Variants in SPTBN5 observed in about 807,000 individuals in gnomAD.
The protein encoded by SPTBN5 is spectrin beta chain, non-erythrocytic 5.
A neutral mutation model predicts 477.6 loss-of-function variants in SPTBN5; 513 were observed. The observed-to-expected ratio is 1.07, with a 90% CI of 1.00 to 1.16. The LOEUF (loss-of-function observed/expected upper bound fraction) is 1.16, where lower values mean the gene tolerates loss of function less well. SPTBN5 is among the 50% of genes most tolerant of loss of function. The probability of loss-of-function intolerance (pLI) is 0.00; values close to 1 mark genes in which losing one functional copy is unlikely to be tolerated. For missense variants in SPTBN5, 5,062 were observed against 4,731.8 expected (o/e 1.07, Z -2.05); for synonymous variants, 2,169 against 2,011.7 (o/e 1.08, Z -2.09).
In SPTBN5 at chr15:41,866,438, C is replaced by G. The variant is rs773128119; in HGVS notation, c.6536G>C (p.Gly2179Ala). Residue 2179 changes from glycine (G) to alanine (A), a missense_variant, in exon 37 of 68, where the codon GGG becomes GCG. Coordinates refer to ENST00000320955, the MANE Select transcript of SPTBN5 (RefSeq NM_016642.4). ...GGGCTTCAGCTTATCTCTCAGGTCCCCAGGAGGGACCGGCTCCTTCAGCTG... is the reference window on the plus strand; with the variant it reads ...GGGCTTCAGCTTATCTCTCAGGTCCGCAGGAGGGACCGGCTCCTTCAGCTG... ...AQQLKEPVPP[G>A]DLRDKLKPLL... 1.9e-5 allele frequency: 31 copies of G among 1,604,958 alleles called. No individual in the cohort carries two copies. The highest frequency in any genetic ancestry group is 4.5e-5 in the South Asian group (4 of 89,640).
Position 41,893,967 on chromosome 15 carries a change from G to GT in SPTBN5, c.-119dup. On this transcript the variant is annotated 5_prime_UTR_variant, in exon 1 of 68. It removes the in-frame stop codon of an upstream open reading frame in the 5' UTR. Coordinates refer to ENST00000320955, the MANE Select transcript of SPTBN5 (RefSeq NM_016642.4). ...ATGGAGATGGCAGATAGCAGGGGCT[G>GT]TGGAGGGAGGGAGAGGGACATCAGG... The GT allele has an allele frequency of 5.0e-6, 1 of 200,786 alleles. No homozygotes were observed. Among genetic ancestry groups the GT allele is most frequent in the Non-Finnish European group, 1.0e-5 (1 of 96,746 alleles). The allele number at this position is 200,786 out of a possible 1,614,324, so 12.4% of individuals were successfully genotyped here.
intron 67 of SPTBN5, among the ~76,000 whole-genome samples, chr15:41,848,988 C>CA (rs2065651778): frequency 6.6e-6 from 1 of 152,208 alleles, no homozygotes; most frequent in Non-Finnish European, 1.5e-5. Flanking sequence ...TTGGGCTCTG[C>CA]AGGACTGGGA....
Position 41,853,784 on chromosome 15 carries a change from C to G in SPTBN5, c.9778G>C (p.Glu3260Gln), listed in dbSNP as rs769376296. ...LQQQHRRLER[E>Q]LEAMEKEVAR... is the part of the protein sequence containing the mutation. ...ACCTCCTTCTCCATAGCTTCCAGCT[C>G]TCTCTGCAACCAGAGCATGAGATCA... Residue 3260 changes from glutamate (E) to glutamine (Q), a missense_variant, in exon 58 of 68, where the codon GAG (glutamate) becomes CAG (glutamine). Transcript: ENST00000320955. 8 of 1,560,584 alleles carry G rather than the reference C, an allele frequency of 5.1e-6. No individual in the cohort carries two copies. Among genetic ancestry groups the G allele is most frequent in the South Asian group, 2.4e-5 (2 of 84,986 alleles).
chr15:41,863,547 G>C (rs183298761), intron 41 of SPTBN5, among the ~76,000 whole-genome samples, 157 bp downstream of exon 41: 1 of 152,276 alleles, frequency 6.6e-6, no homozygotes, highest in African/African-American at 2.4e-5. Context: ...CAGCCCATCA[G>C]ATGTCCCTGG....
In SPTBN5 at chr15:41,881,006, C is replaced by G. The variant is rs777116228; in HGVS notation, c.2658+28G>C. 5.2e-6 allele frequency: 8 copies of G among 1,544,448 alleles called. No homozygotes were observed. The African/African-American group carries it at 1.1e-4, about 21-fold the overall frequency. ...GAGCTGCTGGCACAGAGTAAGGACT[C>G]GAGCATTTCTTGAAAAAGAAGTGTT... On this transcript the variant is annotated intron_variant, in intron 13 of 67. Coordinates refer to ENST00000320955, the MANE Select transcript of SPTBN5 (RefSeq NM_016642.4).
chr15:41,882,215 C>G (rs190158350), intron 11 of SPTBN5, 54 bp downstream of exon 11: 5 of 1,430,568 alleles, frequency 3.5e-6, no homozygotes, highest in Admixed American at 2.6e-5. Context: ...CTGGCACCCC[C>G]ACCCCCGCCT....
At chr15:41,864,892 G>A (rs1595465049) in intron 39 of SPTBN5, among the ~76,000 whole-genome samples, 1 of 152,358 alleles carries the variant, frequency 6.6e-6, no homozygotes, top group East Asian at 1.9e-4. Flanking sequence ...CATTTGCAAG[G>A]TAGGCAGGGA....
At position 41,856,513 on chromosome 15, in the gene SPTBN5, A is replaced by G. The variant is rs751478441; in HGVS notation, c.8894T>C (p.Phe2965Ser). ...CCGGGCGGCCACCTCGTGGGCGGCAAAGTGCCCAGCCTGCACCAGCTTGTA... is the reference window on the plus strand; with the variant it reads ...CCGGGCGGCCACCTCGTGGGCGGCAGAGTGCCCAGCCTGCACCAGCTTGTA... ...TGYKLVQAGH[F>S]AAHEVAARVQ... Residue 2965 changes from phenylalanine (F) to serine (S), a missense_variant, in exon 53 of 68, where the codon TTT becomes TCT. Transcript: ENST00000320955. 6.2e-7 allele frequency: 1 copy of G among 1,601,204 alleles called. No homozygotes were observed. The highest frequency in any genetic ancestry group is 8.5e-7 in the Non-Finnish European group (1 of 1,175,444).
intron 4 of SPTBN5, among the ~76,000 whole-genome samples, chr15:41,888,333 C>T (rs1124850): frequency 0.4 from 60,763 of 152,228 alleles, 13,222 homozygotes; most frequent in East Asian, 0.7. Flanking sequence ...ACTGCAGAGG[C>T]GCTGGCTTTG....
At chr15:41,860,481 G>A in intron 47 of SPTBN5, 105 bp downstream of exon 47, 3 of 1,235,190 alleles carry the variant, frequency 2.4e-6, no homozygotes, top group Non-Finnish European at 3.1e-6. Flanking sequence ...GGACAAGGCT[G>A]GTGAGCCTGG....
rs749418732 is a variant in SPTBN5 at position 41,856,572 on chromosome 15, G to A, written c.8835C>T (p.His2945=). The A allele has an allele frequency of 3.6e-5, 57 of 1,594,358 alleles. No individual in the cohort carries two copies. Among genetic ancestry groups the A allele is most frequent in the South Asian group, 2.5e-4 (22 of 88,772 alleles). The stretch of plus-strand genomic sequence containing the variant: ...CCAGCACCACCCGGGTCAGAGCCTC[G>A]TGGCTGCTCATCTCACTCTCCAGGT... The part of the protein sequence containing the change: ...HQNLESEMSS[H]EALTRVVLGT... Residue 2945 remains histidine (H), a synonymous_variant, in exon 53 of 68, where the codon CAC becomes CAT. Transcript: ENST00000320955.
At position 41,872,304 on chromosome 15, in the gene SPTBN5, T is replaced by TGTGGCCGCCAACTCCTGCA; in HGVS notation, c.5144_5162dup (p.Arg1722AlafsTer19). The stretch of plus-strand genomic sequence containing the variant: ...GAGAGGGGTTATGGTGTCCTCACCG[T>TGTGGCCGCCAACTCCTGCA]GTGGCCGCCAACTCCTGCAGTGCCC... On this transcript the variant is annotated frameshift_variant, in exon 27 of 68. Coordinates refer to ENST00000320955, the MANE Select transcript of SPTBN5 (RefSeq NM_016642.4). LOFTEE classifies it high-confidence loss of function. 1 of 1,610,268 alleles carries TGTGGCCGCCAACTCCTGCA rather than the reference T, an allele frequency of 6.2e-7. No individual in the cohort carries two copies. The highest frequency in any genetic ancestry group is 8.5e-7 in the Non-Finnish European group (1 of 1,179,366).
Position 41,873,984 on chromosome 15 carries a change from C to T in SPTBN5, c.4751G>A (p.Arg1584Gln), listed in dbSNP as rs578044066. 3.1e-5 allele frequency: 49 copies of T among 1,605,774 alleles called. No homozygotes were observed. Among genetic ancestry groups the T allele is most frequent in the Middle Eastern group, 1.7e-4 (1 of 6,040 alleles). ...GQVQRVLSSG[R>Q]SLAASGHPQA... is the part of the protein sequence containing the mutation. ...GGGGTGCCCTGAGGCTGCCAGGCTC[C>T]GCCCAGAACTCAGCACCCGTTGCAC... is the stretch of plus-strand genomic sequence containing the variant. The change falls in exon 25 of 68, where the codon CGG becomes CAG. Residue 1584 changes from arginine (R) to glutamine (Q), a missense_variant. Transcript: ENST00000320955.
chr15:41,862,672 G>A lies in SPTBN5; in HGVS notation c.7264-12C>T. The stretch of plus-strand genomic sequence containing the variant: ...TCACGCTCTAGGGACTGCGGGGGAA[G>A]CCGGGGTCAGAGGCTGGGGCAGGGG... On this transcript the variant is annotated splice_polypyrimidine_tract_variant and intron_variant, in intron 42 of 67. Coordinates refer to ENST00000320955, the MANE Select transcript of SPTBN5 (RefSeq NM_016642.4). 6.5e-7 allele frequency: 1 copy of A among 1,547,286 alleles called. No homozygotes were observed. The highest frequency in any genetic ancestry group is 2.4e-5 in the East Asian group (1 of 41,612).
In SPTBN5 at chr15:41,879,462, CGG is replaced by C. The variant is rs2066871758; in HGVS notation, c.2978_2979del (p.Ala993GlyfsTer107). The C allele has an allele frequency of 1.4e-5, 22 of 1,593,380 alleles. No homozygotes were observed. The highest frequency in any genetic ancestry group is 1.6e-5 in the Non-Finnish European group (19 of 1,172,018). ...ACTTCCACACTGTGTGCCAGCTGCACGGCCTTCTCCCTCTTCAGGGCCTCCAG... is the reference window on the plus strand; with the variant it reads ...ACTTCCACACTGTGTGCCAGCTGCACCCTTCTCCCTCTTCAGGGCCTCCAG... The part of the protein sequence containing the change: ...GQLEALKREK[A>X]VQLAHSVEVC... On this transcript the variant is annotated frameshift_variant, in exon 16 of 68. Transcript: ENST00000320955. LOFTEE classifies it high-confidence loss of function.
At chr15:41,852,394 CT>C in intron 61 of SPTBN5, 78 bp from the exon 62 acceptor site, 1 of 1,483,218 alleles carries the variant, frequency 6.7e-7, no homozygotes, top group Non-Finnish European at 9.0e-7. Flanking sequence ...TCTACCTCCC[CT>C]CCCCCAGCCC....
In SPTBN5 at chr15:41,885,800, G is replaced by A; in HGVS notation, c.1455C>T (p.Ala485=). 6.4e-7 allele frequency: 1 copy of A among 1,558,498 alleles called. No homozygotes were observed. The highest frequency in any genetic ancestry group is 1.2e-5 in the South Asian group (1 of 84,564). ...GGAGGATGTCTGCGATCTCAGCCAGGGCCTGGAAGCGCCCCTCCTGGGGCA... is the reference window on the plus strand; with the variant it reads ...GGAGGATGTCTGCGATCTCAGCCAGAGCCTGGAAGCGCCCCTCCTGGGGCA... ...GILPQEGRFQ[A]LAEIADILRQ... is the part of the protein sequence containing the mutation. The change falls in exon 7 of 68, where the codon GCC becomes GCT. Residue 485 remains alanine (A), a synonymous_variant. Transcript: ENST00000320955.
rs1179727569 is a variant in SPTBN5, at chr15:41,862,569, C to T, written c.7355G>A (p.Trp2452Ter). ...RHRQQEVAES[W>*]WQLRSRAQKR... ...CTGGGCCCTGCTCCGGAGCTGCCAC[C>T]AGCTCTCAGCCACCTCCTGCTGCCT... Residue 2452 changes from tryptophan (W) to a stop codon, truncating the protein, a stop_gained, in exon 43 of 68, where the codon TGG (tryptophan) becomes TAG (stop). Coordinates refer to ENST00000320955, the MANE Select transcript of SPTBN5 (RefSeq NM_016642.4). LOFTEE classifies it high-confidence loss of function. 2 of 1,560,942 alleles carry T rather than the reference C, an allele frequency of 1.3e-6. No individual in the cohort carries two copies. The highest frequency in any genetic ancestry group is 1.9e-5 in the Admixed American group (1 of 52,400).
chr15:41,852,091 G>A (rs2065781708), intron 62 of SPTBN5, 91 bp downstream of exon 62: 1 of 1,466,200 alleles, frequency 6.8e-7, no homozygotes, highest in East Asian at 2.3e-5. Context: ...CTGGCTCCAG[G>A]GTGTGGGCCC....
Sources: gnomAD v4.1 joint callset for allele counts (sites outside exome capture counted in the v4.1 genomes callset) on GRCh38, gnomAD v4.1.1 for gene constraint, MANE v1.5 for transcripts, NCBI Gene and HGNC (gene_info 2026-07-23, HGNC 2026-07-21) for gene names.